Variants in HOOK3 observed in about 807,000 individuals in gnomAD.
HOOK3 encodes protein Hook homolog 3.
HOOK3 carries 24 observed loss-of-function variants against 116.3 expected under a neutral mutation model. The observed-to-expected ratio is 0.21, with a 90% confidence interval of 0.15 to 0.29. The LOEUF (loss-of-function observed/expected upper bound fraction) is 0.29. Among genes scored for constraint, HOOK3 ranks in the 10% least tolerant of loss-of-function variants. HOOK3 has a pLI of 1.00. For missense variants in HOOK3, 632 were observed against 830.2 expected, an observed-to-expected ratio of 0.76 and a Z score of 2.93; for synonymous variants, 275 against 283.0, an observed-to-expected ratio of 0.97 and a Z score of 0.28.
chr8:42,911,821 A>T (rs928478490), intron 2 of HOOK3, among the ~76,000 whole-genome samples: 4 of 152,164 alleles, frequency 2.6e-5, no homozygotes, highest in African/African-American at 9.7e-5. Flanking sequence ...GGAACACTGA[A>T]AGAAGATCTG....
chr8:42,908,077 A>G (rs1289835954), intron 2 of HOOK3, among the ~76,000 whole-genome samples: 2 of 152,314 alleles, frequency 1.3e-5, no homozygotes, highest in Non-Finnish European at 2.9e-5. Context: ...TATAATAGCT[A>G]CCAAGTAAAA....
intron 11 of HOOK3, 146 bp downstream of exon 11, chr8:42,968,360 C>T: frequency 3.3e-6 from 2 of 600,314 alleles, no homozygotes; most frequent in Middle Eastern, 4.0e-4. Flanking sequence ...GACTGAGTCT[C>T]ACTCTGTCAC....
Position 42,974,278 on chromosome 8 carries a change from G to A in HOOK3, c.1321+84G>A, listed in dbSNP as rs182114047. 1.1e-3 allele frequency: 1,049 copies of A among 983,718 alleles called. 12 individuals are homozygous for A. The Admixed American group carries it at 0.016, about 15-fold the overall frequency. 60.9% of individuals were successfully genotyped at this position (983,718 alleles called of 1,614,324 possible). On this transcript the variant is annotated intron_variant, in intron 13 of 21. Coordinates refer to ENST00000307602, the MANE Select transcript of HOOK3 (RefSeq NM_032410.4). ...TCACTCTTATTGCCCAGGCTGGAGTGCAATGGCACTGTCTTGGCTCACTGC... is the reference window on the plus strand; with the variant it reads ...TCACTCTTATTGCCCAGGCTGGAGTACAATGGCACTGTCTTGGCTCACTGC...
intron 12 of HOOK3, 28 bp from the exon 13 acceptor site, chr8:42,974,079 A>G: frequency 6.6e-7 from 1 of 1,524,178 alleles, no homozygotes; most frequent in Non-Finnish European, 9.1e-7. Flanking sequence ...ACGTGAAGCT[A>G]ACCCTCCATG....
At position 43,020,711 on chromosome 8, in the gene HOOK3, C is replaced by T. The variant is rs919652177; in HGVS notation, c.*2213C>T. On this transcript the variant is annotated 3_prime_UTR_variant, in exon 22 of 22. Transcript: ENST00000307602. ...CCTGGGCGACAGAGTGAGACTCTGTCTCAATCAGTCAATCAATCAATCAAT... is the reference window on the plus strand; with the variant it reads ...CCTGGGCGACAGAGTGAGACTCTGTTTCAATCAGTCAATCAATCAATCAAT... 1 of 177,164 alleles carries T rather than the reference C, an allele frequency of 5.6e-6. No homozygotes were observed. The highest frequency in any genetic ancestry group is 1.2e-5 in the Non-Finnish European group (1 of 82,470). The allele number at this position is 177,164 out of a possible 1,614,324, so 11.0% of individuals were successfully genotyped here. A position where few individuals can be genotyped will look rare whatever the true frequency, so the allele number is the denominator to read the frequency against.
At chr8:42,956,783 C>CA (rs1179153443) in intron 6 of HOOK3, among the ~76,000 whole-genome samples, 1 of 152,076 alleles carries the variant, frequency 6.6e-6, no homozygotes, top group African/African-American at 2.4e-5. Context: ...TGGGTTTCTC[C>CA]ATGTTGGTCA....
intron 15 of HOOK3, among the ~76,000 whole-genome samples, chr8:42,987,629 A>G (rs957149195): frequency 6.6e-6 from 1 of 152,158 alleles, no homozygotes; most frequent in African/African-American, 2.4e-5. Flanking sequence ...TTATTTTGAG[A>G]ATTTAGAATT....
At position 43,021,080 on chromosome 8, in the gene HOOK3, G is replaced by A. The variant is rs1003230695; in HGVS notation, c.*2582G>A. On this transcript the variant is annotated 3_prime_UTR_variant, in exon 22 of 22. Coordinates refer to ENST00000307602, the MANE Select transcript of HOOK3 (RefSeq NM_032410.4). ...TGGCGCCATTGCACCCCAGCCTGGC[G>A]ACAAGAGCGAAACTCTGTCGCAAGA... 6 of 112,224 alleles carry A rather than the reference G, an allele frequency of 5.3e-5. No homozygotes were observed. The highest frequency in any genetic ancestry group is 8.1e-5 in the Non-Finnish European group (5 of 61,472). 7.0% of individuals were successfully genotyped at this position (112,224 alleles called of 1,614,324 possible).
intron 5 of HOOK3, among the ~76,000 whole-genome samples, chr8:42,948,075 ATTAT>A (rs1808269248): frequency 6.6e-6 from 1 of 152,118 alleles, no homozygotes; most frequent in Non-Finnish European, 1.5e-5. Context: ...ACTAATAATA[ATTAT>A]TTATTATTTC....
chr8:42,935,050 T>C (rs1459480162), intron 4 of HOOK3, among the ~76,000 whole-genome samples: 2 of 152,184 alleles, frequency 1.3e-5, no homozygotes, highest in Non-Finnish European at 2.9e-5. Context: ...CTCTCCAGCA[T>C]CTATTGTTTC....
intron 11 of HOOK3, among the ~76,000 whole-genome samples, chr8:42,971,332 TC>T (rs1328307715): frequency 1.3e-5 from 2 of 152,216 alleles, no homozygotes; most frequent in African/African-American, 4.8e-5. Context: ...AGTGGTGCGA[TC>T]TCAGCTTATC....
chr8:43,001,602 G>A (rs1809382545), intron 16 of HOOK3, among the ~76,000 whole-genome samples: 1 of 151,332 alleles, frequency 6.6e-6, no homozygotes, highest in Non-Finnish European at 1.5e-5. Context: ...TAAAGGCTGT[G>A]CATCTGCCAT....
At position 43,010,412 on chromosome 8, in the gene HOOK3, A is replaced by T; in HGVS notation, c.1839+7A>T. 1 of 1,269,264 alleles carries T rather than the reference A, an allele frequency of 7.9e-7. No homozygotes were observed. Among genetic ancestry groups the T allele is most frequent in the Non-Finnish European group, 1.1e-6 (1 of 927,444 alleles). The allele number at this position is 1,269,264 out of a possible 1,614,324, so 78.6% of individuals were successfully genotyped here. On this transcript the variant is annotated splice_region_variant and intron_variant, in intron 19 of 21. Transcript: ENST00000307602. The stretch of plus-strand genomic sequence containing the variant: ...CTTAGAGAAAGCCAAAAGTGTAAGT[A>T]TGAATTTTGTAGGCATCTCACTCTA...
intron 1 of HOOK3, among the ~76,000 whole-genome samples, chr8:42,901,613 T>C (rs904945735): frequency 2.0e-5 from 3 of 152,216 alleles, no homozygotes; most frequent in African/African-American, 2.4e-5. Flanking sequence ...TGAGCAACTA[T>C]GTACCTCAAG....
chr8:42,921,153 A>G (rs1339252674), intron 2 of HOOK3, among the ~76,000 whole-genome samples: 1 of 150,978 alleles, frequency 6.6e-6, no homozygotes, highest in African/African-American at 2.4e-5. Context: ...TTTCTTGGAC[A>G]TTTTAAAGTT....
intron 8 of HOOK3, among the ~76,000 whole-genome samples, chr8:42,963,900 G>A (rs1481450768): frequency 6.6e-6 from 1 of 152,108 alleles, no homozygotes; most frequent in Non-Finnish European, 1.5e-5. Context: ...GAGATTGATT[G>A]TACTTCTTTA....
chr8:42,954,985 ATC>A (rs1808408259), intron 6 of HOOK3, among the ~76,000 whole-genome samples: 1 of 152,182 alleles, frequency 6.6e-6, no homozygotes, highest in Non-Finnish European at 1.5e-5. Flanking sequence ...GTGTGGAATA[ATC>A]TCTGATGAAA....
chr8:42,906,382 C>CA, intron 2 of HOOK3, 124 bp downstream of exon 2: 1 of 685,012 alleles, frequency 1.5e-6, no homozygotes, highest in Non-Finnish European at 2.6e-6. Flanking sequence ...GCGGCAGCAG[C>CA]ACTAGTTTTA....
chr8:43,026,237 T>G lies in HOOK3; in HGVS notation c.*7739T>G, dbSNP rs1267294523. 5.0e-6 allele frequency: 1 copy of G among 200,514 alleles called. No homozygotes were observed. The highest frequency in any genetic ancestry group is 1.0e-5 in the Non-Finnish European group (1 of 97,408). The allele number at this position is 200,514 out of a possible 1,614,324, so 12.4% of individuals were successfully genotyped here. ...TGATTACTCCGTGTACATTCTATAGTGTGTGTATTTTATTTAGTGTCTTAA... is the reference window on the plus strand; with the variant it reads ...TGATTACTCCGTGTACATTCTATAGGGTGTGTATTTTATTTAGTGTCTTAA... On this transcript the variant is annotated 3_prime_UTR_variant, in exon 22 of 22. Transcript: ENST00000307602.
Sources: gnomAD v4.1 joint callset for allele counts (sites outside exome capture counted in the v4.1 genomes callset) on GRCh38, gnomAD v4.1.1 for gene constraint, MANE v1.5 for transcripts, NCBI Gene and HGNC (gene_info 2026-07-23, HGNC 2026-07-21) for gene names.